The following CAST variants were observed in gnomAD, a reference collection of about 807,000 sequenced individuals.
The protein encoded by CAST is MIR583 host.
CAST carries 76 observed loss-of-function variants against 119.6 expected under a neutral mutation model. That is an observed-to-expected ratio of 0.64 (90% CI 0.53 to 0.77). The LOEUF is 0.77. Ranked by LOEUF, CAST falls within the 30% of genes least tolerant of loss-of-function variation. CAST has a pLI of 0.00. For missense variants in CAST, 953 were observed against 946.5 expected (o/e 1.01, Z -0.09); for synonymous variants, 319 against 331.6 (o/e 0.96, Z 0.41).
chr5:96,697,426 C>G (rs1181765909), intron 3 of CAST, among the ~76,000 whole-genome samples: 2 of 152,064 alleles, frequency 1.3e-5, no homozygotes, highest in African/African-American at 4.8e-5. Context: ...TGATGGTGCC[C>G]AAACCAATAA....
the CAST span, chr5:95,961,566 C>T: frequency 1.8e-5 from 28 of 1,577,198 alleles, 1 homozygote; most frequent in South Asian, 2.3e-5. Flanking sequence ...TGCCGGCCGG[C>T]CCGCTCACCT....
At chr5:96,605,017 CCAA>C (rs543579095) in intron 1 of CAST, among the ~76,000 whole-genome samples, 153 of 152,192 alleles carry the variant, frequency 1.0e-3, no homozygotes, top group African/African-American at 3.6e-3. Context: ...ACATAGAGAA[CCAA>C]CAACACCCTG....
chr5:96,258,750 T>C, the CAST span, among the ~76,000 whole-genome samples: 1 of 152,256 alleles, frequency 6.6e-6, no homozygotes, highest in African/African-American at 2.4e-5. Flanking sequence ...AATTGGCTTA[T>C]GAAGTTATAC....
At chr5:96,430,729 T>A in the CAST span, among the ~76,000 whole-genome samples, 24 of 152,228 alleles carry the variant, frequency 1.6e-4, no homozygotes, top group Non-Finnish European at 3.2e-4. Flanking sequence ...GTTAAGTTTG[T>A]TTTAAAACTT....
At chr5:96,603,702 G>A (rs1034003290) in intron 1 of CAST, among the ~76,000 whole-genome samples, 4 of 149,696 alleles carry the variant, frequency 2.7e-5, no homozygotes, top group Non-Finnish European at 4.4e-5. Context: ...ATACATAAAC[G>A]TGTTACACAG....
At chr5:96,413,868 C>T in the CAST span, among the ~76,000 whole-genome samples, 1 of 148,176 alleles carries the variant, frequency 6.7e-6, no homozygotes, top group Non-Finnish European at 1.5e-5. Flanking sequence ...GCCTGTAATC[C>T]CAGCACTTTG....
chr5:96,653,705 A>G (rs1261100284), intron 1 of CAST, among the ~76,000 whole-genome samples: 1 of 152,184 alleles, frequency 6.6e-6, no homozygotes, highest in Non-Finnish European at 1.5e-5. Flanking sequence ...TCTTAACCCA[A>G]TATTTAGAAG....
chr5:96,472,387 T>C, the CAST span, among the ~76,000 whole-genome samples: 3 of 152,300 alleles, frequency 2.0e-5, no homozygotes, highest in East Asian at 3.9e-4. Context: ...GGGGGGCAAG[T>C]ATTGATTGAT....
chr5:96,606,060 T>C (rs1747247193), intron 1 of CAST, among the ~76,000 whole-genome samples: 1 of 151,022 alleles, frequency 6.6e-6, no homozygotes, highest in Non-Finnish European at 1.5e-5. Flanking sequence ...TCTGAGAGAG[T>C]TGTGGGGTAA....
intron 9 of CAST, 34 bp from the exon 10 acceptor site, chr5:96,736,138 T>G (rs372093981): frequency 1.5e-6 from 2 of 1,305,222 alleles, no homozygotes; most frequent in Non-Finnish European, 2.2e-6. Context: ...TATTAAGGTA[T>G]GTGAGGAGTT....
intron 1 of CAST, among the ~76,000 whole-genome samples, chr5:96,578,808 A>G (rs1381095461): frequency 1.3e-5 from 2 of 152,160 alleles, no homozygotes; most frequent in Non-Finnish European, 2.9e-5. Flanking sequence ...CTGTTTTTTT[A>G]GGAGATGCTA....
chr5:96,638,678 C>T (rs951087378), intron 1 of CAST, among the ~76,000 whole-genome samples: 14 of 152,168 alleles, frequency 9.2e-5, no homozygotes, highest in African/African-American at 2.7e-4. Flanking sequence ...ACACCATAAG[C>T]AGCTCAACTC....
the CAST span, among the ~76,000 whole-genome samples, chr5:96,512,938 A>G: frequency 3.3e-5 from 5 of 152,202 alleles, no homozygotes; most frequent in African/African-American, 7.2e-5. Context: ...CATAATGGCT[A>G]TCATTTCTCT....
intron 1 of CAST, among the ~76,000 whole-genome samples, chr5:96,648,716 G>GGGTGTGTGTGT (rs1748054091): frequency 7.9e-6 from 1 of 126,804 alleles, no homozygotes; most frequent in Non-Finnish European, 1.7e-5. Context: ...TTATATATAT[G>GGGTGTGTGTGT]CGTGTGTGTG....
intron 3 of CAST, among the ~76,000 whole-genome samples, chr5:96,711,885 A>T (rs1288115519): frequency 1.3e-5 from 2 of 152,186 alleles, no homozygotes; most frequent in Non-Finnish European, 2.9e-5. Flanking sequence ...GGATTAGGAG[A>T]TAATAGTTTA....
the CAST span, among the ~76,000 whole-genome samples, chr5:96,104,573 T>G: frequency 6.6e-6 from 1 of 152,116 alleles, no homozygotes; most frequent in South Asian, 2.1e-4. Flanking sequence ...CTGAGGGCTC[T>G]GTTCTGTTCC....
the CAST span, chr5:96,433,251 A>T: frequency 1.7e-6 from 1 of 599,252 alleles, no homozygotes; most frequent in African/African-American, 1.9e-5. Flanking sequence ...GGCTGAGTGG[A>T]GCCCCAGCCC....
the CAST span, among the ~76,000 whole-genome samples, chr5:96,044,896 A>G: frequency 2.6e-5 from 4 of 152,250 alleles, no homozygotes; most frequent in African/African-American, 9.6e-5. Flanking sequence ...TCTATTTACA[A>G]AAATTTCAAA....
intron 3 of CAST, chr5:96,702,757 G>T: frequency 1.0e-6 from 1 of 985,166 alleles, no homozygotes; most frequent in East Asian, 1.1e-4. Context: ...CAGGGGGGCG[G>T]GGAGCATCCT....
Sources: allele counts gnomAD v4.1 joint callset (sites outside exome capture counted in the v4.1 genomes callset), GRCh38; gene constraint gnomAD v4.1.1; transcripts MANE v1.5; gene names NCBI Gene and HGNC (gene_info 2026-07-23, HGNC 2026-07-21).